MSI2: variants seen among roughly 807,000 people sequenced by gnomAD.
MSI2 encodes the protein RNA-binding protein Musashi homolog 2.
A neutral mutation model predicts 45.6 loss-of-function variants in MSI2; 17 were observed. The ratio of observed to expected loss-of-function variants is 0.37; its 90% CI spans 0.26 to 0.56. MSI2 has a LOEUF of 0.56. MSI2 is among the 20% of genes least tolerant of loss of function. MSI2 has a pLI of 0.77. For missense variants in MSI2, 293 were observed against 444.2 expected (o/e 0.66, Z 3.06); for synonymous variants, 156 against 158.2 (o/e 0.99, Z 0.11).
chr17:57,440,412 C>CTGTGTG (rs1567824499), intron 6 of MSI2, among the ~76,000 whole-genome samples: 1 of 54,862 alleles, frequency 1.8e-5, no homozygotes, highest in African/African-American at 7.0e-5. Context: ...GGTTTGTTAT[C>CTGTGTG]CGTGTGTGTG....
At chr17:57,271,985 C>G (rs762640384) in intron 5 of MSI2, among the ~76,000 whole-genome samples, 3 of 151,990 alleles carry the variant, frequency 2.0e-5, no homozygotes, top group Non-Finnish European at 2.9e-5. Flanking sequence ...GAACAGAGTG[C>G]AGAAAGACCT....
At chr17:57,518,584 G>A (rs2086519384) in intron 6 of MSI2, among the ~76,000 whole-genome samples, 1 of 152,248 alleles carries the variant, frequency 6.6e-6, no homozygotes, top group Non-Finnish European at 1.5e-5. Flanking sequence ...TGTTTAATGG[G>A]AATGTGAGAG....
At position 57,627,465 on chromosome 17, in the gene MSI2, G is replaced by A; in HGVS notation, c.727+162G>A. The stretch of plus-strand genomic sequence containing the variant: ...ATCCACTGAAGTTCAAGGCCAGGAT[G>A]CAGCTCAGAGTTTTTGATTAACTCA... On this transcript the variant is annotated intron_variant, in intron 10 of 13. Coordinates refer to ENST00000284073, the MANE Select transcript of MSI2 (RefSeq NM_138962.4). This position sits in a 1 kb window ranked among gnomAD's most constrained non-coding sequence, Gnocchi z 4.6. 1 of 668,702 alleles carries A rather than the reference G, an allele frequency of 1.5e-6. No individual in the cohort carries two copies. The highest frequency in any genetic ancestry group is 1.8e-5 in the South Asian group (1 of 54,332). The allele number at this position is 668,702 out of a possible 1,614,324, so 41.4% of individuals were successfully genotyped here.
At chr17:57,573,953 C>T (rs549989607) in intron 7 of MSI2, among the ~76,000 whole-genome samples, 11 of 152,246 alleles carry the variant, frequency 7.2e-5, no homozygotes, top group East Asian at 3.9e-4. Context: ...AAGCCAAGTA[C>T]GTGGTGGTGG....
chr17:57,677,121 G>T, intron 13 of MSI2, 62 bp downstream of exon 13: 1 of 1,119,142 alleles, frequency 8.9e-7, no homozygotes, highest in Non-Finnish European at 1.4e-6. Context: ...TATGTCCACA[G>T]GTCATACATG....
At chr17:57,468,250 A>G (rs1476342211) in intron 6 of MSI2, among the ~76,000 whole-genome samples, 1 of 151,260 alleles carries the variant, frequency 6.6e-6, no homozygotes, top group East Asian at 2.0e-4. Context: ...GTGGCGGCCC[A>G]GTACGATGGC....
intron 7 of MSI2, among the ~76,000 whole-genome samples, chr17:57,588,110 G>A (rs1353117146): frequency 6.6e-6 from 1 of 152,134 alleles, no homozygotes; most frequent in Admixed American, 6.6e-5. Context: ...TTTGGGGGGA[G>A]GGAGGAAGAA....
At chr17:57,489,632 T>C (rs1379286271) in intron 6 of MSI2, among the ~76,000 whole-genome samples, 2 of 152,222 alleles carry the variant, frequency 1.3e-5, no homozygotes, top group Non-Finnish European at 2.9e-5. Flanking sequence ...CAGCCAGCAC[T>C]GGCTCCTCTT....
chr17:57,320,771 T>A (rs1882559825), intron 5 of MSI2, among the ~76,000 whole-genome samples: 1 of 152,106 alleles, frequency 6.6e-6, no homozygotes, highest in South Asian at 2.1e-4. Flanking sequence ...AGCGGACTCT[T>A]GCTGTCTTTG....
chr17:57,428,281 T>C (rs1305145352), intron 6 of MSI2, among the ~76,000 whole-genome samples: 4 of 152,088 alleles, frequency 2.6e-5, no homozygotes, highest in Non-Finnish European at 5.9e-5. Flanking sequence ...TGGTGTGCAG[T>C]GGCATGATCG....
At chr17:57,544,099 C>T (rs1345638472) in intron 7 of MSI2, among the ~76,000 whole-genome samples, 2 of 150,276 alleles carry the variant, frequency 1.3e-5, no homozygotes, top group Non-Finnish European at 3.0e-5. Context: ...GTGAGTGTTG[C>T]TTGCAGAGTG....
chr17:57,477,109 T>C (rs2085551976), intron 6 of MSI2, among the ~76,000 whole-genome samples: 2 of 150,878 alleles, frequency 1.3e-5, no homozygotes, highest in Non-Finnish European at 2.9e-5. Flanking sequence ...AAAAGATGAA[T>C]TCTAGACCAT....
chr17:57,367,073 G>A (rs1917248881), intron 5 of MSI2, among the ~76,000 whole-genome samples: 1 of 152,208 alleles, frequency 6.6e-6, no homozygotes, highest in Admixed American at 6.5e-5. Flanking sequence ...GCTCGAAAGT[G>A]TATACAAATA....
chr17:57,633,517 G>A (rs1185431975), intron 10 of MSI2, among the ~76,000 whole-genome samples: 2 of 152,224 alleles, frequency 1.3e-5, no homozygotes, highest in Non-Finnish European at 2.9e-5. Context: ...AGGTGTGTGC[G>A]CCGTCTTACC....
rs2084371266 is a variant in MSI2, at chr17:57,420,291, T to A, written c.405+18820T>A. 2.0e-5 allele frequency among the ~76,000 whole-genome samples: 3 copies of A among 152,198 alleles called. 1 individual carries two copies. Reference sequence around the variant, plus strand: ...TCTTTCAAATAACTAGCGACTGACGTTCGGGGCAGTCTGAAAAATGAATTA... The same window carrying A: ...TCTTTCAAATAACTAGCGACTGACGATCGGGGCAGTCTGAAAAATGAATTA... On this transcript the variant is annotated intron_variant, in intron 6 of 13. Coordinates refer to ENST00000284073, the MANE Select transcript of MSI2 (RefSeq NM_138962.4).
intron 11 of MSI2, among the ~76,000 whole-genome samples, chr17:57,669,722 T>A (rs1912639189): frequency 6.6e-6 from 1 of 152,178 alleles, no homozygotes; most frequent in African/African-American, 2.4e-5. Context: ...CAGTCCTCCG[T>A]CCTTTCGGGA....
the MSI2 span, among the ~76,000 whole-genome samples, chr17:57,701,467 T>C: frequency 6.6e-6 from 1 of 152,190 alleles, no homozygotes. Context: ...AGTGAGAAAT[T>C]GCTGCCTGTG....
At chr17:57,561,397 C>T (rs1598401439) in intron 7 of MSI2, among the ~76,000 whole-genome samples, 2 of 152,316 alleles carry the variant, frequency 1.3e-5, no homozygotes, top group East Asian at 3.9e-4. Context: ...CCCGCTCTTG[C>T]TCTCCCGTCT....
At chr17:57,385,522 A>G (rs1437443407) in intron 5 of MSI2, among the ~76,000 whole-genome samples, 1 of 152,166 alleles carries the variant, frequency 6.6e-6, no homozygotes, top group Non-Finnish European at 1.5e-5. Context: ...ATGGTGGCAC[A>G]TGCCTGTAAT....
Sources: allele counts gnomAD v4.1 joint callset (sites outside exome capture counted in the v4.1 genomes callset), GRCh38; gene constraint gnomAD v4.1.1; non-coding constraint Gnocchi (gnomAD v3.1); transcripts MANE v1.5; gene names NCBI Gene and HGNC (gene_info 2026-07-23, HGNC 2026-07-21).